Variants in IL1RAPL1 observed in about 807,000 individuals in gnomAD.
IL1RAPL1 encodes the protein interleukin-1 receptor accessory protein-like 1.
In IL1RAPL1, 3 loss-of-function variants were observed where a neutral mutation model predicts 48.4. The ratio of observed to expected loss-of-function variants is 0.06; its 90% CI spans 0.03 to 0.16. The LOEUF is 0.16. Among genes scored for constraint, IL1RAPL1 ranks in the 10% least tolerant of loss-of-function variants. IL1RAPL1 has a pLI of 1.00. For synonymous variants in IL1RAPL1, 185 were observed against 187.7 expected, an observed-to-expected ratio of 0.99 and a Z score of 0.12; for missense variants, 349 against 530.6, an observed-to-expected ratio of 0.66 and a Z score of 3.36.
chrX:29,881,336 T>G (rs1254929979), intron 6 of IL1RAPL1, among the ~76,000 whole-genome samples: 1 of 110,891 alleles, frequency 9.0e-6, no homozygotes, highest in Non-Finnish European at 1.9e-5. Flanking sequence ...GTCGCCTTAT[T>G]TTGGAGTCAT....
At chrX:29,112,099 T>C in intron 2 of IL1RAPL1, among the ~76,000 whole-genome samples, 1 of 108,807 alleles carries the variant, frequency 9.2e-6, no homozygotes, top group Admixed American at 9.9e-5. Context: ...CCGGCTAATT[T>C]TTGTATTTTT....
At chrX:29,040,331 C>A (rs899972391) in intron 2 of IL1RAPL1, among the ~76,000 whole-genome samples, 2 of 112,026 alleles carry the variant, frequency 1.8e-5, no homozygotes, top group African/African-American at 6.5e-5. Flanking sequence ...TCCTCTGGAC[C>A]CAAAAGAGTC....
chrX:29,328,803 A>G (rs760236357), intron 3 of IL1RAPL1, among the ~76,000 whole-genome samples: 29 of 109,865 alleles, frequency 2.6e-4, no homozygotes, highest in African/African-American at 9.3e-4. Context: ...TATGTCTGTG[A>G]TTTTATTTAT....
intron 2 of IL1RAPL1, among the ~76,000 whole-genome samples, chrX:29,257,534 G>A (rs2147580330): frequency 8.9e-6 from 1 of 111,888 alleles, no homozygotes; most frequent in African/African-American, 3.2e-5. Context: ...ATGACAAACT[G>A]AAAGAGATAA....
intron 2 of IL1RAPL1, among the ~76,000 whole-genome samples, chrX:28,931,698 A>G (rs763242720): frequency 8.9e-6 from 1 of 111,983 alleles, no homozygotes; most frequent in East Asian, 2.8e-4. Flanking sequence ...TATAAAAATA[A>G]ATAATAGCCA....
chrX:29,903,831 C>G (rs1932551540), intron 6 of IL1RAPL1, among the ~76,000 whole-genome samples: 1 of 111,598 alleles, frequency 9.0e-6, no homozygotes, highest in Non-Finnish European at 1.9e-5. Flanking sequence ...GACTGTGCAC[C>G]TTTCTGCCAA....
intron 2 of IL1RAPL1, among the ~76,000 whole-genome samples, chrX:29,021,768 A>G: frequency 9.0e-6 from 1 of 111,511 alleles, no homozygotes; most frequent in African/African-American, 3.3e-5. Context: ...CTGTTGCAAA[A>G]CAGCAGTAAA....
At chrX:29,016,451 T>C (rs754041543) in intron 2 of IL1RAPL1, among the ~76,000 whole-genome samples, 151 of 111,645 alleles carry the variant, frequency 1.4e-3, no homozygotes, top group Non-Finnish European at 1.9e-3. Flanking sequence ...ATAATCTTCT[T>C]AAAATTCCAT....
At chrX:28,970,107 TCTC>T (rs1337408931) in intron 2 of IL1RAPL1, among the ~76,000 whole-genome samples, 1 of 111,449 alleles carries the variant, frequency 9.0e-6, no homozygotes, top group Non-Finnish European at 1.9e-5. Context: ...TTCAAGTGAT[TCTC>T]CTGCCTCAGC....
chrX:29,537,410 A>G (rs1256231870), intron 5 of IL1RAPL1, among the ~76,000 whole-genome samples: 1 of 110,836 alleles, frequency 9.0e-6, no homozygotes, highest in Admixed American at 9.7e-5. Flanking sequence ...GAATAGAAAT[A>G]TCTGGGTGAT....
At chrX:29,520,313 T>C (rs1352726543) in intron 5 of IL1RAPL1, among the ~76,000 whole-genome samples, 1 of 111,978 alleles carries the variant, frequency 8.9e-6, no homozygotes, top group Non-Finnish European at 1.9e-5. Context: ...ATTTTGACTT[T>C]TACCTAAATC....
intron 2 of IL1RAPL1, among the ~76,000 whole-genome samples, chrX:29,271,465 A>G (rs1465289094): frequency 2.7e-5 from 3 of 112,483 alleles, no homozygotes; most frequent in Non-Finnish European, 5.6e-5. Flanking sequence ...AGCTGAACTA[A>G]TTTACCTTCC....
intron 5 of IL1RAPL1, among the ~76,000 whole-genome samples, chrX:29,596,658 A>G (rs1304025881): frequency 8.9e-6 from 1 of 111,847 alleles, no homozygotes; most frequent in East Asian, 2.8e-4. Context: ...TTCTAAGTAT[A>G]CAATCCTATC....
intron 2 of IL1RAPL1, among the ~76,000 whole-genome samples, chrX:29,112,804 T>TG (rs1324175959): frequency 9.8e-6 from 1 of 102,460 alleles, no homozygotes; most frequent in Non-Finnish European, 2.0e-5. Context: ...TTTTTTTTTT[T>TG]TTTTTTTTTT....
intron 2 of IL1RAPL1, among the ~76,000 whole-genome samples, chrX:29,192,788 T>C (rs984352067): frequency 3.6e-5 from 4 of 111,681 alleles, no homozygotes; most frequent in African/African-American, 1.3e-4. Flanking sequence ...ATAAAAACTA[T>C]TGGATATGTG....
intron 5 of IL1RAPL1, among the ~76,000 whole-genome samples, chrX:29,659,769 T>C (rs188324054): frequency 9.0e-6 from 1 of 111,645 alleles, no homozygotes; most frequent in East Asian, 2.8e-4. Context: ...GTATTACAGC[T>C]ATTTGTGGTT....
intron 2 of IL1RAPL1, among the ~76,000 whole-genome samples, chrX:28,891,199 A>C (rs890309967): frequency 3.6e-5 from 4 of 111,864 alleles, no homozygotes; most frequent in Non-Finnish European, 7.5e-5. Context: ...TCTTGATTTA[A>C]TTAATTAATT....
chrX:29,616,217 C>G (rs1345571548), intron 5 of IL1RAPL1, among the ~76,000 whole-genome samples: 3 of 111,303 alleles, frequency 2.7e-5, no homozygotes, highest in African/African-American at 9.8e-5. Flanking sequence ...ATGTTAGTGG[C>G]ATAATGTAGT....
Position 28,768,749 on chromosome X carries a change from CTCTCTCTATATA to C in IL1RAPL1, c.-24-20569_-24-20558del, listed in dbSNP as rs1286508524. Reference sequence around the variant, plus strand: ...TCTCTGTCTCTCTCTCTCTCTCTCTCTCTCTCTATATATATATATATATATATATACACACAC... The same window carrying C: ...TCTCTGTCTCTCTCTCTCTCTCTCTCTATATATATATATATATACACACAC... On this transcript the variant is annotated intron_variant, in intron 1 of 10. Transcript: ENST00000378993. Among the ~76,000 whole-genome samples, 314 of 69,783 alleles carry C rather than the reference CTCTCTCTATATA, an allele frequency of 4.5e-3. 4 individuals carry two copies. The highest frequency in any genetic ancestry group is 0.018 in the African/African-American group (307 of 17,151). 60.6% of individuals were successfully genotyped at this position (69,783 alleles called of 115,157 possible).
Sources: gnomAD v4.1 joint callset for allele counts (sites outside exome capture counted in the v4.1 genomes callset) on GRCh38, gnomAD v4.1.1 for gene constraint, MANE v1.5 for transcripts, NCBI Gene and HGNC (gene_info 2026-07-23, HGNC 2026-07-21) for gene names.